Variants in FOXN3 observed in about 807,000 individuals in gnomAD.
The protein encoded by FOXN3 is forkhead box protein N3.
Under a neutral mutation model 38.4 loss-of-function variants are expected in FOXN3, and 7 were observed. That is an observed-to-expected ratio of 0.18 (90% CI 0.10 to 0.34). The LOEUF is 0.34. Ranked by LOEUF, FOXN3 falls within the 10% of genes least tolerant of loss-of-function variation. The pLI is 1.00. For missense variants in FOXN3, 456 were observed against 613.4 expected, an observed-to-expected ratio of 0.74 and a Z score of 2.71; for synonymous variants, 230 against 242.2, an observed-to-expected ratio of 0.95 and a Z score of 0.47.
chr14:89,554,983 G>C (rs1346784693), intron 1 of FOXN3, among the ~76,000 whole-genome samples: 2 of 151,750 alleles, frequency 1.3e-5, no homozygotes, highest in African/African-American at 4.8e-5. Context: ...TAGAGACTGG[G>C]TTTCACCATG....
chr14:89,401,850 A>C (rs1891255895), intron 2 of FOXN3, among the ~76,000 whole-genome samples: 1 of 152,202 alleles, frequency 6.6e-6, no homozygotes, highest in Non-Finnish European at 1.5e-5. Context: ...CGGGGCCCAG[A>C]GGGAAATCCC....
intron 2 of FOXN3, among the ~76,000 whole-genome samples, chr14:89,383,420 C>A (rs1489243249): frequency 6.6e-6 from 1 of 152,188 alleles, no homozygotes; most frequent in Admixed American, 6.5e-5. Context: ...AAAATAATTG[C>A]AGTTTTTGCC....
At chr14:89,433,929 T>C (rs968380368) in intron 1 of FOXN3, among the ~76,000 whole-genome samples, 2 of 150,276 alleles carry the variant, frequency 1.3e-5, no homozygotes, top group Non-Finnish European at 3.0e-5. Context: ...AGAATTTTTT[T>C]TTTTTTTTTT....
intron 1 of FOXN3, among the ~76,000 whole-genome samples, chr14:89,480,328 G>A (rs372411225): frequency 1.6e-4 from 25 of 152,124 alleles, no homozygotes; most frequent in African/African-American, 2.4e-4. Flanking sequence ...ACTTCAACTC[G>A]GGAGGCGGAG....
At chr14:89,391,775 T>C (rs1009931411) in intron 2 of FOXN3, among the ~76,000 whole-genome samples, 2 of 151,964 alleles carry the variant, frequency 1.3e-5, no homozygotes, top group African/African-American at 4.8e-5. Flanking sequence ...GAGGCCGAGG[T>C]GGGTGGACTG....
intron 1 of FOXN3, among the ~76,000 whole-genome samples, chr14:89,549,347 C>T (rs2139860555): frequency 6.6e-6 from 1 of 151,426 alleles, no homozygotes; most frequent in South Asian, 2.1e-4. Context: ...CTGTTAAAAG[C>T]TAATTCAGGC....
intron 3 of FOXN3, among the ~76,000 whole-genome samples, chr14:89,289,936 A>AT (rs1186873568): frequency 1.3e-5 from 2 of 152,226 alleles, no homozygotes; most frequent in Non-Finnish European, 2.9e-5. Context: ...TGTTTGTGAT[A>AT]TGAGGGGAAC....
At position 89,511,129 on chromosome 14, in the gene FOXN3, T is replaced by A; in HGVS notation, c.-14-98639A>T. On this transcript the variant is annotated intron_variant, in intron 1 of 6. Coordinates refer to the FOXN3 transcript ENST00000345097. ...TCAAAAGACCTGCTTGGTGTCTTTCTTTCTTTCTTTCTTTTCTTTCTTTCT... is the reference window on the plus strand; with the variant it reads ...TCAAAAGACCTGCTTGGTGTCTTTCATTCTTTCTTTCTTTTCTTTCTTTCT... Among the ~76,000 whole-genome samples, 2 of 35,330 alleles carry A rather than the reference T, an allele frequency of 5.7e-5. 1 individual carries two copies. The highest frequency in any genetic ancestry group is 2.3e-4 in the Non-Finnish European group (2 of 8,576). 23.2% of individuals were successfully genotyped at this position (35,330 alleles called of 152,430 possible).
chr14:89,182,981 T>C (rs1419268272), intron 4 of FOXN3, among the ~76,000 whole-genome samples: 1 of 152,146 alleles, frequency 6.6e-6, no homozygotes, highest in African/African-American at 2.4e-5. Flanking sequence ...TACACCTAAA[T>C]GTAGGAACTA....
intron 1 of FOXN3, among the ~76,000 whole-genome samples, chr14:89,579,150 A>AT (rs35744248): frequency 1.2e-4 from 15 of 127,752 alleles, no homozygotes; most frequent in East Asian, 7.0e-4. Flanking sequence ...ATGCCCAGCC[A>AT]TTTTTTTTTT....
intron 4 of FOXN3, among the ~76,000 whole-genome samples, chr14:89,262,119 GAGA>G (rs1199048351): frequency 5.9e-5 from 9 of 151,890 alleles, no homozygotes; most frequent in East Asian, 3.9e-4. Context: ...AAAAAAAAAG[GAGA>G]AGAAGAAGAA....
intron 5 of FOXN3, among the ~76,000 whole-genome samples, chr14:89,167,821 A>G (rs1887280737): frequency 6.6e-6 from 1 of 152,228 alleles, no homozygotes; most frequent in Non-Finnish European, 1.5e-5. Context: ...GAAGAAAGCC[A>G]AAGTTTCTCT....
chr14:89,408,693 C>T (rs115927783), intron 2 of FOXN3, among the ~76,000 whole-genome samples: 1,628 of 151,620 alleles, frequency 0.011, 39 homozygotes, highest in African/African-American at 0.038. Context: ...ATTTTCACTG[C>T]TACGTCAAGC....
intron 1 of FOXN3, among the ~76,000 whole-genome samples, chr14:89,476,582 G>T (rs1383627992): frequency 1.3e-5 from 2 of 152,220 alleles, no homozygotes; most frequent in African/African-American, 4.8e-5. Context: ...GAGTGAGAGA[G>T]AAATCAACAT....
rs546874994 is a variant in FOXN3, at chr14:89,601,863, G to C, written c.-15+17165C>G. 5.3e-5 allele frequency among the ~76,000 whole-genome samples: 8 copies of C among 151,886 alleles called. No homozygotes were observed. The East Asian group carries it at 1.5e-3, about 29-fold the overall frequency. On this transcript the variant is annotated intron_variant, in intron 1 of 6. Coordinates refer to the FOXN3 transcript ENST00000345097. The stretch of plus-strand genomic sequence containing the variant: ...CAGCCCCTCAATAGTACTAGCACTC[G>C]TAGACCTCAACAAATATTTCCAGGT...
chr14:89,437,068 A>C (rs1307562229), intron 1 of FOXN3, among the ~76,000 whole-genome samples: 1 of 152,054 alleles, frequency 6.6e-6, no homozygotes, highest in African/African-American at 2.4e-5. Context: ...AATCAATTGA[A>C]CATGGGAGGC....
chr14:89,376,076 C>A (rs111282534), intron 2 of FOXN3, among the ~76,000 whole-genome samples: 2 of 152,188 alleles, frequency 1.3e-5, no homozygotes, highest in Admixed American at 1.3e-4. Flanking sequence ...AGCCACCACA[C>A]CTGGCCTCCA....
intron 1 of FOXN3, among the ~76,000 whole-genome samples, chr14:89,500,154 G>A (rs975967891): frequency 1.3e-5 from 2 of 152,096 alleles, no homozygotes; most frequent in South Asian, 4.1e-4. Flanking sequence ...CACTCAGCCA[G>A]CTTGGGTTTT....
chr14:89,365,072 G>A (rs12588962), intron 2 of FOXN3, among the ~76,000 whole-genome samples: 30,804 of 152,070 alleles, frequency 0.2, 3,134 homozygotes, highest in African/African-American at 0.25. Flanking sequence ...GTGTGGGGGC[G>A]GGAATTACAA....
Sources: allele counts gnomAD v4.1 joint callset (sites outside exome capture counted in the v4.1 genomes callset), GRCh38; gene constraint gnomAD v4.1.1; transcripts MANE v1.5; gene names NCBI Gene and HGNC (gene_info 2026-07-23, HGNC 2026-07-21).